NOL4: variants seen among roughly 807,000 people sequenced by gnomAD.
The protein encoded by NOL4 is cancer/testis antigen 125.
NOL4 carries 17 observed loss-of-function variants against 75.9 expected under a neutral mutation model. That is an observed-to-expected ratio of 0.22 (90% CI 0.15 to 0.34). The LOEUF (loss-of-function observed/expected upper bound fraction) is 0.34, where lower values mean the gene tolerates loss of function less well. Ranked by LOEUF, NOL4 falls within the 10% of genes least tolerant of loss-of-function variation. The pLI is 1.00. For synonymous variants in NOL4, 292 were observed against 289.9 expected, an observed-to-expected ratio of 1.01 and a Z score of -0.07; for missense variants, 614 against 793.5, an observed-to-expected ratio of 0.77 and a Z score of 2.72.
At position 33,935,022 on chromosome 18, in the gene NOL4, C is replaced by T. The variant is rs141430611; in HGVS notation, c.1542+8043G>A. 4.6e-5 allele frequency among the ~76,000 whole-genome samples: 7 copies of T among 152,114 alleles called. No individual in the cohort carries two copies. In the East Asian group the frequency reaches 1.4e-3, roughly 30 times the overall value. On this transcript the variant is annotated intron_variant, in intron 9 of 10. Coordinates refer to ENST00000261592, the MANE Select transcript of NOL4 (RefSeq NM_003787.5). Reference sequence around the variant, plus strand: ...TACAGATGCACTGCGCCATGCCTTGCTAATCTTTTAAAAAACATTTTTGTA... The same window carrying T: ...TACAGATGCACTGCGCCATGCCTTGTTAATCTTTTAAAAAACATTTTTGTA...
At chr18:34,081,877 G>A (rs1241837621) in intron 5 of NOL4, among the ~76,000 whole-genome samples, 1 of 152,134 alleles carries the variant, frequency 6.6e-6, no homozygotes, top group Admixed American at 6.6e-5. Flanking sequence ...TTATTGTCAA[G>A]AGAGATTACT....
chr18:33,878,930 A>G (rs2064091527), intron 10 of NOL4, among the ~76,000 whole-genome samples: 1 of 152,082 alleles, frequency 6.6e-6, no homozygotes, highest in African/African-American at 2.4e-5. Context: ...TATATAGACA[A>G]CAGTCCCCAA....
chr18:33,865,617 T>C (rs1254694385), intron 10 of NOL4, among the ~76,000 whole-genome samples: 1 of 152,156 alleles, frequency 6.6e-6, no homozygotes, highest in South Asian at 2.1e-4. Flanking sequence ...CTTTAACAAA[T>C]GGTGGATAAC....
intron 9 of NOL4, among the ~76,000 whole-genome samples, chr18:33,923,996 G>A (rs1416134892): frequency 6.6e-6 from 1 of 152,058 alleles, no homozygotes; most frequent in Non-Finnish European, 1.5e-5. Flanking sequence ...TAAGAAATGA[G>A]TACTTAAAAA....
chr18:33,975,852 C>T (rs2071453313), intron 6 of NOL4, among the ~76,000 whole-genome samples: 1 of 152,234 alleles, frequency 6.6e-6, no homozygotes, highest in Admixed American at 6.5e-5. Context: ...TCTCCCTTTT[C>T]TCTCAGTTAA....
At chr18:34,058,681 G>A (rs1189996117) in intron 5 of NOL4, among the ~76,000 whole-genome samples, 1 of 152,040 alleles carries the variant, frequency 6.6e-6, no homozygotes, top group Non-Finnish European at 1.5e-5. Flanking sequence ...CTTCATGAAT[G>A]TAAAGCTGTA....
chr18:34,089,912 G>GC (rs2078428457), intron 5 of NOL4, among the ~76,000 whole-genome samples: 1 of 151,924 alleles, frequency 6.6e-6, no homozygotes. Flanking sequence ...TAGGTCCCAT[G>GC]CCTTTTTTTT....
rs765465079 is a variant in NOL4, at chr18:33,853,000, T to A, written c.1759A>T (p.Thr587Ser). 6.2e-7 allele frequency: 1 copy of A among 1,612,694 alleles called. No homozygotes were observed. Among genetic ancestry groups the A allele is most frequent in the Non-Finnish European group, 8.5e-7 (1 of 1,179,216 alleles). The change falls in exon 11 of 11, where the codon ACT (threonine) becomes TCT (serine). Residue 587 changes from threonine (T) to serine (S), a missense_variant. Thr to Ser is a moderately conservative substitution (Grantham distance 58). Coordinates refer to ENST00000261592, the MANE Select transcript of NOL4 (RefSeq NM_003787.5). ...TDLSMKRQLA[T>S]SSGSSSSSNS... ...GAGCTGCTGGAGGATCCTGAGCTAG[T>A]CGCCAATTGTCTCTTCATGCTGAGA... is the stretch of plus-strand genomic sequence containing the variant.
At chr18:34,108,903 C>G (rs771250791) in intron 2 of NOL4, among the ~76,000 whole-genome samples, 2 of 152,084 alleles carry the variant, frequency 1.3e-5, no homozygotes, top group Non-Finnish European at 2.9e-5. Flanking sequence ...ATACTACTCA[C>G]GTGAACAGGG....
At chr18:34,114,613 G>A (rs1317197481) in intron 2 of NOL4, among the ~76,000 whole-genome samples, 1 of 152,228 alleles carries the variant, frequency 6.6e-6, no homozygotes, top group East Asian at 1.9e-4. Context: ...CTTATATAAT[G>A]TTATACTTTT....
rs1159661345 is a variant in NOL4 at position 34,057,599 on chromosome 18, ATAAG to A, written c.772+35862_772+35865del. On this transcript the variant is annotated intron_variant, in intron 5 of 10. Transcript: ENST00000261592. ...TCTATCTTTATTAATAATAATAGTAATAAGTAACAGTATCTATTGACAATATTAC... is the reference window on the plus strand; with the variant it reads ...TCTATCTTTATTAATAATAATAGTAATAACAGTATCTATTGACAATATTAC... Among the ~76,000 whole-genome samples, 4 of 152,178 alleles carry A rather than the reference ATAAG, an allele frequency of 2.6e-5. No individual in the cohort carries two copies. The South Asian group carries it at 6.2e-4, about 24-fold the overall frequency.
At chr18:34,142,333 A>G (rs1433555185) in intron 1 of NOL4, among the ~76,000 whole-genome samples, 2 of 152,202 alleles carry the variant, frequency 1.3e-5, no homozygotes, top group African/African-American at 4.8e-5. Flanking sequence ...ATTACTGGGG[A>G]TATACCCAAA....
chr18:33,857,391 T>C (rs2062885223), intron 10 of NOL4, among the ~76,000 whole-genome samples: 1 of 152,036 alleles, frequency 6.6e-6, no homozygotes, highest in South Asian at 2.1e-4. Context: ...ATTCAAACAG[T>C]ATTGGCCATC....
At chr18:33,946,548 T>C (rs556665920) in intron 8 of NOL4, among the ~76,000 whole-genome samples, 33 of 151,786 alleles carry the variant, frequency 2.2e-4, no homozygotes, top group Non-Finnish European at 3.5e-4. Context: ...AGTGAACTAT[T>C]ATTCACATTT....
chr18:33,858,070 ACTTCAAACTAGAGTTACC>A (rs2062917919), intron 10 of NOL4, among the ~76,000 whole-genome samples: 1 of 152,102 alleles, frequency 6.6e-6, no homozygotes, highest in African/African-American at 2.4e-5. Flanking sequence ...AAGGAAAACT[ACTTCAAACTAGAGTTACC>A]TTGTTTGTTA....
intron 1 of NOL4, among the ~76,000 whole-genome samples, chr18:34,170,230 T>C (rs2032886763): frequency 6.6e-6 from 1 of 151,596 alleles, no homozygotes; most frequent in African/African-American, 2.4e-5. Context: ...CAGGCTGAAG[T>C]ACAATGGCAT....
chr18:34,015,402 A>C (rs1458950668), intron 6 of NOL4, among the ~76,000 whole-genome samples: 1 of 152,024 alleles, frequency 6.6e-6, no homozygotes, highest in Non-Finnish European at 1.5e-5. Flanking sequence ...GTTCAGGCCA[A>C]TGTCACTTCA....
At chr18:34,047,078 A>G (rs965175454) in intron 5 of NOL4, among the ~76,000 whole-genome samples, 1 of 152,068 alleles carries the variant, frequency 6.6e-6, no homozygotes, top group Non-Finnish European at 1.5e-5. Context: ...TTTTGTGTGT[A>G]CTTCCTAACA....
At chr18:34,022,064 A>G (rs1419813587) in intron 5 of NOL4, among the ~76,000 whole-genome samples, 1 of 151,908 alleles carries the variant, frequency 6.6e-6, no homozygotes, top group Non-Finnish European at 1.5e-5. Context: ...AAATCGCGCC[A>G]TTGCACTCCA....
Sources: gnomAD v4.1 joint callset for allele counts (sites outside exome capture counted in the v4.1 genomes callset) on GRCh38, gnomAD v4.1.1 for gene constraint, MANE v1.5 for transcripts, NCBI Gene and HGNC (gene_info 2026-07-23, HGNC 2026-07-21) for gene names.